ENKUR: variants seen among roughly 807,000 people sequenced by gnomAD.
ENKUR encodes the protein enkurin, TRPC channel interacting protein.
ENKUR carries 19 observed loss-of-function variants against 27.6 expected under a neutral mutation model. The ratio of observed to expected loss-of-function variants is 0.69; its 90% CI spans 0.48 to 1.01. The LOEUF is 1.01. Among genes scored for constraint, ENKUR ranks in the 50% least tolerant of loss-of-function variants. ENKUR has a pLI of 0.00. For missense variants in ENKUR, 312 were observed against 310.5 expected (o/e 1.00, Z -0.04); for synonymous variants, 117 against 96.9 (o/e 1.21, Z -1.22).
chr10:25,009,256 A>C (rs1045563962), intron 1 of ENKUR, among the ~76,000 whole-genome samples: 57 of 132,454 alleles, frequency 4.3e-4, no homozygotes, highest in African/African-American at 2.0e-3. Context: ...AGAGTATAAT[A>C]AAAAAAAAAG....
At chr10:24,994,301 T>G (rs1249880750) in intron 3 of ENKUR, among the ~76,000 whole-genome samples, 1 of 151,780 alleles carries the variant, frequency 6.6e-6, no homozygotes, top group Non-Finnish European at 1.5e-5. Context: ...TCATTTCTTC[T>G]TGATGCAACT....
chr10:25,024,507 A>G, intron 2 of ENKUR: 2 of 1,614,202 alleles, frequency 1.2e-6, no homozygotes, highest in Non-Finnish European at 1.7e-6. Flanking sequence ...GAGAAAATGG[A>G]TGGGCAGTGG....
rs1487983302 is a variant in ENKUR at position 24,983,876 on chromosome 10, T to G, written c.*494A>C. On this transcript the variant is annotated 3_prime_UTR_variant, in exon 6 of 6. Coordinates refer to ENST00000331161, the MANE Select transcript of ENKUR (RefSeq NM_145010.4). ...TTTAGATATTTAGAGCTATTTTTTC[T>G]TATTTTTGGGTTGAAAACAGCTCTA... 1 of 152,492 alleles carries G rather than the reference T, an allele frequency of 6.6e-6. No individual in the cohort carries two copies. Among genetic ancestry groups the G allele is most frequent in the Non-Finnish European group, 1.5e-5 (1 of 68,224 alleles). The allele number at this position is 152,492 out of a possible 1,614,324, so 9.4% of individuals were successfully genotyped here. A position where few individuals can be genotyped will look rare whatever the true frequency, so the allele number is the denominator to read the frequency against.
chr10:25,011,760 G>T (rs1444997558), intron 1 of ENKUR, among the ~76,000 whole-genome samples: 1 of 152,184 alleles, frequency 6.6e-6, no homozygotes, highest in Non-Finnish European at 1.5e-5. Context: ...AGGAAGCAGA[G>T]CATAAAAGTT....
rs2085311785 is a variant in ENKUR at position 25,029,522 on chromosome 10, T to G, written c.37+31590A>C. Among the ~76,000 whole-genome samples, 3 of 151,298 alleles carry G rather than the reference T, an allele frequency of 2.0e-5. No homozygotes were observed. The South Asian group carries it at 6.4e-4, about 32-fold the overall frequency. Reference sequence around the variant, plus strand: ...CAATCCATTAAATCGTTTATAAACCTTTTGTAATTCAGACTACGTAATGTT... The same window carrying G: ...CAATCCATTAAATCGTTTATAAACCGTTTGTAATTCAGACTACGTAATGTT... On this transcript the variant is annotated intron_variant, in intron 2 of 5. Transcript: ENST00000615958.
chr10:25,060,992 G>T lies in ENKUR; in HGVS notation c.37+120C>A, dbSNP rs188519252. 5.5e-6 allele frequency: 5 copies of T among 913,666 alleles called. No individual in the cohort carries two copies. In the African/African-American group the frequency reaches 6.6e-5, roughly 12 times the overall value. 56.6% of individuals were successfully genotyped at this position (913,666 alleles called of 1,614,324 possible). ...GCCTCCCAAAGTGTTGGGACTACAG[G>T]CAAGAGCCACTGGGCCTGGCCCTTA... is the stretch of plus-strand genomic sequence containing the variant. On this transcript the variant is annotated intron_variant, in intron 2 of 5. Transcript: ENST00000615958.
intron 2 of ENKUR, among the ~76,000 whole-genome samples, chr10:25,059,455 T>C (rs1851301769): frequency 6.6e-6 from 1 of 152,166 alleles, no homozygotes; most frequent in Non-Finnish European, 1.5e-5. Flanking sequence ...CTTAGTATAG[T>C]ATTATACTAT....
rs571530472 is a variant in ENKUR at position 25,039,159 on chromosome 10, AT to A, written c.37+21952del. 2.8e-3 allele frequency among the ~76,000 whole-genome samples: 421 copies of A among 152,164 alleles called. 2 individuals are homozygous for A. Among genetic ancestry groups the A allele is most frequent in the African/African-American group, 1.0e-2 (414 of 41,526 alleles). On this transcript the variant is annotated intron_variant, in intron 2 of 5. Transcript: ENST00000615958. ...GTGTCAGAATGACAAAGCTTTAAAC[AT>A]TTTTTTTCTTATAATAGGATCTTGG... is the stretch of plus-strand genomic sequence containing the variant.
At chr10:25,002,582 T>C (rs554200102) in intron 1 of ENKUR, among the ~76,000 whole-genome samples, 1 of 152,334 alleles carries the variant, frequency 6.6e-6, no homozygotes, top group South Asian at 2.1e-4. Flanking sequence ...AACTGTTGTT[T>C]CATATATTTT....
At chr10:25,009,255 T>TAA (rs372524385) in intron 1 of ENKUR, among the ~76,000 whole-genome samples, 1 of 147,864 alleles carries the variant, frequency 6.8e-6, no homozygotes, top group African/African-American at 2.5e-5. Flanking sequence ...TAGAGTATAA[T>TAA]AAAAAAAAAA....
At chr10:25,057,547 G>T (rs538799449) in intron 2 of ENKUR, among the ~76,000 whole-genome samples, 1 of 152,044 alleles carries the variant, frequency 6.6e-6, no homozygotes, top group Non-Finnish European at 1.5e-5. Context: ...TGAATTAATT[G>T]GCTCCATAAT....
chr10:25,053,449 C>G (rs1166574480), intron 2 of ENKUR, among the ~76,000 whole-genome samples: 3 of 152,162 alleles, frequency 2.0e-5, no homozygotes, highest in African/African-American at 7.2e-5. Flanking sequence ...CCATTTCCCC[C>G]ACTTCCCAGC....
At chr10:25,058,253 G>A (rs1206193792) in intron 2 of ENKUR, among the ~76,000 whole-genome samples, 1 of 152,044 alleles carries the variant, frequency 6.6e-6, no homozygotes, top group Admixed American at 6.6e-5. Flanking sequence ...TGTCACCCAT[G>A]CTGGAGTACA....
At chr10:25,019,026 C>T (rs1033391333), upstream of ENKUR, among the ~76,000 whole-genome samples, 2 of 152,126 alleles carry the variant, frequency 1.3e-5, no homozygotes, top group Non-Finnish European at 2.9e-5. Context: ...GTGGGAGGCC[C>T]TCTGAATGAA....
chr10:25,054,236 C>CAGTAGAG (rs1851219895), intron 2 of ENKUR, among the ~76,000 whole-genome samples: 1 of 152,090 alleles, frequency 6.6e-6, no homozygotes, highest in South Asian at 2.1e-4. Context: ...GCCTGGCCAA[C>CAGTAGAG]ATGGTAAAAC....
At chr10:24,993,376 C>T (rs1024499734) in intron 3 of ENKUR, among the ~76,000 whole-genome samples, 4 of 152,130 alleles carry the variant, frequency 2.6e-5, no homozygotes, top group South Asian at 4.1e-4. Context: ...TCACTACAAC[C>T]CTGTGATAAA....
chr10:24,996,454 G>GTATA (rs774819339), intron 2 of ENKUR, among the ~76,000 whole-genome samples: 2,104 of 149,440 alleles, frequency 0.014, 58 homozygotes, highest in African/African-American at 0.052. Flanking sequence ...GTGTGTGTGT[G>GTATA]TGTATATATA....
chr10:24,989,574 A>G (rs981842742), intron 4 of ENKUR, among the ~76,000 whole-genome samples: 2 of 152,194 alleles, frequency 1.3e-5, no homozygotes, highest in African/African-American at 2.4e-5. Flanking sequence ...AAATTGCACA[A>G]TACTCCACTG....
intron 2 of ENKUR, among the ~76,000 whole-genome samples, chr10:25,026,928 T>C (rs1450780834): frequency 6.6e-6 from 1 of 152,154 alleles, no homozygotes; most frequent in Non-Finnish European, 1.5e-5. Context: ...TCAGGAGCAG[T>C]TATAGGAAAA....
Sources: gnomAD v4.1 joint callset for allele counts (sites outside exome capture counted in the v4.1 genomes callset) on GRCh38, gnomAD v4.1.1 for gene constraint, MANE v1.5 for transcripts, NCBI Gene and HGNC (gene_info 2026-07-23, HGNC 2026-07-21) for gene names.